The following PRKN variants were observed in gnomAD, a reference collection of about 807,000 sequenced individuals.
PRKN encodes the protein parkin RBR E3 ubiquitin protein ligase, also known as E3 ubiquitin-protein ligase parkin.
PRKN carries 56 observed loss-of-function variants against 59.5 expected under a neutral mutation model. That is an observed-to-expected ratio of 0.94 (90% CI 0.76 to 1.18). The LOEUF (loss-of-function observed/expected upper bound fraction) is 1.18, where lower values mean the gene tolerates loss of function less well. Among genes scored for constraint, PRKN ranks in the 50% most tolerant of loss-of-function variants. The pLI, the probability that PRKN is intolerant of heterozygous loss-of-function variation, is 0.00. For missense variants in PRKN, 657 were observed against 596.4 expected (o/e 1.10, Z -1.06); for synonymous variants, 250 against 222.1 (o/e 1.13, Z -1.12).
At chr6:162,356,611 A>C (rs987063878) in intron 2 of PRKN, among the ~76,000 whole-genome samples, 3 of 151,810 alleles carry the variant, frequency 2.0e-5, no homozygotes, top group African/African-American at 7.3e-5. Context: ...GATATCAACA[A>C]ACTGATTCTA....
rs148711613 is a variant in PRKN, at chr6:162,674,135, T to C, written c.7+53527A>G. ...ATATTCATCATTACAGCTTTGACTG[T>C]ATGCAAAAGATACCATTCAGTTCTT... On this transcript the variant is annotated intron_variant, in intron 1 of 11. Transcript: ENST00000366898. Among the ~76,000 whole-genome samples, 618 of 152,346 alleles carry C rather than the reference T, an allele frequency of 4.1e-3. 2 individuals carry two copies. The highest frequency in any genetic ancestry group is 0.014 in the African/African-American group (590 of 41,580).
intron 9 of PRKN, among the ~76,000 whole-genome samples, chr6:161,406,881 T>C (rs1787301915): frequency 6.6e-6 from 1 of 152,188 alleles, no homozygotes; most frequent in Non-Finnish European, 1.5e-5. Flanking sequence ...CCATCATTGA[T>C]GGACTTGGAA....
At chr6:162,565,070 A>G (rs1780002133) in intron 1 of PRKN, among the ~76,000 whole-genome samples, 1 of 143,968 alleles carries the variant, frequency 6.9e-6, no homozygotes, top group Non-Finnish European at 1.5e-5. Flanking sequence ...AGGCATAGTG[A>G]GTACAATAAG....
rs1781803460 is a variant in PRKN at position 161,593,579 on chromosome 6, C to CTGTGGTGG, written c.872-24164_872-24163insCCACCACA. 6.6e-6 allele frequency among the ~76,000 whole-genome samples: 1 copy of CTGTGGTGG among 152,108 alleles called. No individual in the cohort carries two copies. Among genetic ancestry groups the CTGTGGTGG allele is most frequent in the Non-Finnish European group, 1.5e-5 (1 of 68,012 alleles). On this transcript the variant is annotated intron_variant, in intron 7 of 11. Coordinates refer to ENST00000366898, the MANE Select transcript of PRKN (RefSeq NM_004562.3). This position sits in a 1 kb window ranked among gnomAD's most constrained non-coding sequence, Gnocchi z 4.8. ...TGGAAGGTGAGGCCAGCAGGTCTTG[C>CTGTGGTGG]TGGTGGGCTGCCCTGTGGAGCAGAC...
intron 6 of PRKN, among the ~76,000 whole-genome samples, chr6:161,880,601 G>A (rs560280186): frequency 4.6e-5 from 7 of 152,260 alleles, no homozygotes; most frequent in Non-Finnish European, 8.8e-5. Context: ...ACCGGCCCAC[G>A]AGGTGGGGTG....
chr6:162,569,687 G>A, intron 1 of PRKN: 1 of 628,266 alleles, frequency 1.6e-6, no homozygotes, highest in Non-Finnish European at 2.9e-6. Flanking sequence ...GACCTGCGAT[G>A]GGAAGCTGGT....
At chr6:161,433,092 C>T (rs1788725180) in intron 9 of PRKN, among the ~76,000 whole-genome samples, 1 of 152,162 alleles carries the variant, frequency 6.6e-6, no homozygotes. Flanking sequence ...TGATGATAGA[C>T]TATCATGTGA....
At chr6:162,189,914 T>C (rs558691997) in intron 4 of PRKN, among the ~76,000 whole-genome samples, 15 of 152,258 alleles carry the variant, frequency 9.9e-5, no homozygotes, top group African/African-American at 3.1e-4. Context: ...CTTTAAATTA[T>C]GGCCATCTCT....
At chr6:161,637,424 CA>C (rs111543575) in intron 7 of PRKN, among the ~76,000 whole-genome samples, 10,066 of 134,582 alleles carry the variant, frequency 0.075, 941 homozygotes, top group African/African-American at 0.22. Flanking sequence ...ATTCCTGTGG[CA>C]AAAAAAAAAA....
At chr6:162,513,205 G>A (rs1383365594) in intron 1 of PRKN, among the ~76,000 whole-genome samples, 2 of 152,278 alleles carry the variant, frequency 1.3e-5, no homozygotes, top group Admixed American at 1.3e-4. Flanking sequence ...CCAGCTGGGC[G>A]TGGTAGCTCA....
chr6:161,771,604 G>T (rs960658599), intron 7 of PRKN, among the ~76,000 whole-genome samples: 2 of 152,024 alleles, frequency 1.3e-5, no homozygotes, highest in Admixed American at 6.6e-5. Flanking sequence ...TCTAGTAATG[G>T]TTCAAAAAGC....
intron 6 of PRKN, among the ~76,000 whole-genome samples, chr6:161,922,343 A>T (rs941617367): frequency 1.3e-5 from 2 of 152,156 alleles, no homozygotes; most frequent in African/African-American, 4.8e-5. Context: ...CACCTTACTT[A>T]CAGTCTGATT....
intron 4 of PRKN, among the ~76,000 whole-genome samples, chr6:162,088,023 G>C (rs1779327500): frequency 6.6e-6 from 1 of 152,146 alleles, no homozygotes; most frequent in African/African-American, 2.4e-5. Context: ...GAAAGAGATA[G>C]ACAAATTAGG....
chr6:162,435,102 TG>T (rs1477927376), intron 2 of PRKN, among the ~76,000 whole-genome samples: 11 of 150,510 alleles, frequency 7.3e-5, no homozygotes, highest in Admixed American at 5.9e-4. Flanking sequence ...AGGACTTCAG[TG>T]AACAGTAACA....
intron 6 of PRKN, among the ~76,000 whole-genome samples, chr6:161,829,958 G>A (rs934445351): frequency 1.3e-5 from 2 of 151,944 alleles, no homozygotes; most frequent in African/African-American, 4.8e-5. Flanking sequence ...CGCCAAGTCC[G>A]TAGCTTGGCC....
Position 161,500,467 on chromosome 6 carries a change from C to T in PRKN, c.1083+48387G>A, listed in dbSNP as rs140738097. Among the ~76,000 whole-genome samples the T allele has an allele frequency of 2.9e-3, 441 of 152,298 alleles. 10 individuals are homozygous for T. Among genetic ancestry groups the T allele is most frequent in the East Asian group, 0.026 (134 of 5,178 alleles). ...TCAGTGCTCCACATACTCATCCTTT[C>T]CTCCCCAAACCCCTGACAATCATGG... On this transcript the variant is annotated intron_variant, in intron 9 of 11. Coordinates refer to ENST00000366898, the MANE Select transcript of PRKN (RefSeq NM_004562.3).
intron 6 of PRKN, among the ~76,000 whole-genome samples, chr6:161,814,945 T>A (rs1345226698): frequency 1.3e-5 from 2 of 152,162 alleles, no homozygotes; most frequent in Admixed American, 6.5e-5. Context: ...GAGCTCAAGA[T>A]GAGATTGGGT....
Position 161,937,356 on chromosome 6 carries a change from C to A in PRKN, c.734+35946G>T, listed in dbSNP as rs529986419. 5.3e-5 allele frequency among the ~76,000 whole-genome samples: 8 copies of A among 152,254 alleles called. No homozygotes were observed. In the South Asian group the frequency reaches 1.5e-3, roughly 28 times the overall value. On this transcript the variant is annotated intron_variant, in intron 6 of 11. Coordinates refer to ENST00000366898, the MANE Select transcript of PRKN (RefSeq NM_004562.3). The stretch of plus-strand genomic sequence containing the variant: ...TTACTATCAGGAGAAACACTGATAT[C>A]AACTCATATACAACAGAAAATTTTA...
Position 161,407,841 on chromosome 6 carries a change from G to A in PRKN, c.1084-20964C>T, listed in dbSNP as rs980516712. ...GTTGACCTTGTGACATTCTTCTTTC[G>A]GACAATGAGTCTTATGATCTCCCCA... is the stretch of plus-strand genomic sequence containing the variant. On this transcript the variant is annotated intron_variant, in intron 9 of 11. Transcript: ENST00000366898. This position sits in a 1 kb window ranked among gnomAD's most constrained non-coding sequence, Gnocchi z 4.9. Among the ~76,000 whole-genome samples, 8 of 151,938 alleles carry A rather than the reference G, an allele frequency of 5.3e-5. No homozygotes were observed. The highest frequency in any genetic ancestry group is 1.2e-4 in the African/African-American group (5 of 41,338).
Sources: gnomAD v4.1 joint callset for allele counts (sites outside exome capture counted in the v4.1 genomes callset) on GRCh38, gnomAD v4.1.1 for gene constraint, Gnocchi (gnomAD v3.1) non-coding constraint, MANE v1.5 for transcripts, NCBI Gene and HGNC (gene_info 2026-07-23, HGNC 2026-07-21) for gene names.